STAC3: variants seen among roughly 807,000 people sequenced by gnomAD.
STAC3 encodes the protein SH3 and cysteine-rich domain-containing protein 3.
A neutral mutation model predicts 48.5 loss-of-function variants in STAC3; 30 were observed. That is an observed-to-expected ratio of 0.62 (90% CI 0.46 to 0.84). The LOEUF (loss-of-function observed/expected upper bound fraction) is 0.84. STAC3 is among the 40% of genes least tolerant of loss of function. The probability of loss-of-function intolerance (pLI) is 0.00; values close to 1 mark genes in which losing one functional copy is unlikely to be tolerated. For missense variants in STAC3, 419 were observed against 462.6 expected (o/e 0.91, Z 0.86); for synonymous variants, 144 against 158.6 (o/e 0.91, Z 0.69).
chr12:57,250,263 G>T lies in STAC3; in HGVS notation c.-1-626C>A, dbSNP rs961637383. On this transcript the variant is annotated intron_variant, in intron 1 of 11. Transcript: ENST00000332782. ...AAATTAGCCGGGTGTGGTGGCGGAC[G>T]CCTGTAATCCCATCCACTCAGGAAG... 9.9e-5 allele frequency among the ~76,000 whole-genome samples: 15 copies of T among 152,018 alleles called. 1 individual carries two copies. Among genetic ancestry groups the T allele is most frequent in the African/African-American group, 3.1e-4 (13 of 41,442 alleles).
chr12:57,248,481 C>T (rs544030094), intron 4 of STAC3: 1 of 591,592 alleles, frequency 1.7e-6, no homozygotes. Flanking sequence ...CGAGTTTACG[C>T]CATTCTCCTG....
chr12:57,249,730 G>A (rs2037856353), intron 1 of STAC3, 93 bp from the exon 2 acceptor site: 12 of 1,345,992 alleles, frequency 8.9e-6, no homozygotes, highest in Non-Finnish European at 1.0e-5. Context: ...CAAAGGGGAG[G>A]CTTTCGGAGA....
chr12:57,245,305 C>T (rs1486166142), intron 6 of STAC3, 94 bp from the exon 7 acceptor site: 2 of 1,076,878 alleles, frequency 1.9e-6, no homozygotes, highest in Non-Finnish European at 1.4e-6. Context: ...ATAATGGGAT[C>T]TCAGAGATCT....
In STAC3 at chr12:57,243,625, T is replaced by C. The variant is rs2136820197; in HGVS notation, c.*187A>G. The C allele has an allele frequency of 3.3e-6, 2 of 598,642 alleles. No homozygotes were observed. Among genetic ancestry groups the C allele is most frequent in the Admixed American group, 2.2e-5 (1 of 45,700 alleles). The allele number at this position is 598,642 out of a possible 1,614,324, so 37.1% of individuals were successfully genotyped here. On this transcript the variant is annotated 3_prime_UTR_variant, in exon 12 of 12. Transcript: ENST00000332782. ...GGTCCGGGCTGCTCTGGGCAGCAGG[T>C]ATCCGAGGCCCCAGGCTGGGGAAGG...
In STAC3 at chr12:57,244,106, G is replaced by C. The variant is rs754455763; in HGVS notation, c.978C>G (p.Ile326Met). Residue 326 changes from isoleucine to methionine, a missense_variant, in exon 11 of 12, where the codon ATC becomes ATG. Transcript: ENST00000332782. ...SFVGNREIGQ[I>M]TLKKDQIVVQ... ...AGCCTACCTGGTCCTTCTTGAGAGT[G>C]ATCTGCCCTATCTCGCGGTTCCCCA... is the stretch of plus-strand genomic sequence containing the variant. 3.2e-5 allele frequency: 51 copies of C among 1,614,012 alleles called. No individual in the cohort carries two copies. In the South Asian group the frequency reaches 3.6e-4, roughly 11 times the overall value.
rs192281738 is a variant in STAC3, at chr12:57,249,166, T to A, written c.209A>T (p.Glu70Val). ...IYYIYEEEEEEEEEEEEPPPE... is the reference protein window; with the variant it reads ...IYYIYEEEEEVEEEEEEPPPE... ...GGGTGGCTCCTCCTCCTCCTCTTCT[T>A]CCTCTTCCTCTTCCTCATAGATGTA... Residue 70 changes from glutamate to valine, a missense_variant, in exon 3 of 12, where the codon GAA (glutamate) becomes GTA (valine). Physicochemically the swap from Glu to Val is moderately radical, Grantham distance 121. Coordinates refer to ENST00000332782, the MANE Select transcript of STAC3 (RefSeq NM_145064.3). The A allele has an allele frequency of 4.3e-6, 7 of 1,613,498 alleles. No homozygotes were observed. The Admixed American group carries it at 1.2e-4, about 27-fold the overall frequency.
intron 4 of STAC3, 182 bp from the exon 5 acceptor site, chr12:57,248,380 T>C (rs2037811670): frequency 2.6e-6 from 1 of 380,604 alleles, no homozygotes; most frequent in Non-Finnish European, 4.8e-6. Context: ...GTCCCCTCTT[T>C]TTTTTTTTTT....
At chr12:57,250,643 G>A (rs886609756) in intron 1 of STAC3, among the ~76,000 whole-genome samples, 11 of 152,122 alleles carry the variant, frequency 7.2e-5, no homozygotes, top group African/African-American at 2.4e-4. Flanking sequence ...GTGTGTCCTC[G>A]TGTGCACACA....
chr12:57,245,274 A>C, intron 6 of STAC3, 63 bp from the exon 7 acceptor site: 1 of 1,445,158 alleles, frequency 6.9e-7, no homozygotes, highest in African/African-American at 1.4e-5. Flanking sequence ...GCTGTCTATA[A>C]TCAGGTCAGA....
intron 5 of STAC3, among the ~76,000 whole-genome samples, chr12:57,247,416 ATTATTATTATTATTTTT>A (rs1303731529): frequency 4.2e-5 from 2 of 47,992 alleles, no homozygotes; most frequent in South Asian, 1.2e-3. Flanking sequence ...TATTATTATT[ATTATTATTATTATTTTT>A]TTTTTTTTTT....
chr12:57,244,216 C>G lies in STAC3; in HGVS notation c.868G>C (p.Gly290Arg), dbSNP rs151179680. 22 of 1,614,056 alleles carry G rather than the reference C, an allele frequency of 1.4e-5. No homozygotes were observed. The African/African-American group carries it at 2.9e-4, about 22-fold the overall frequency. The part of the protein sequence containing the change: ...SNEEWWRGKI[G>R]EKVGFFPPNF... ...GGAGGGAAAAATCCGACCTTCTCCC[C>G]GATTTTCCCCTAGGGAAGATAGTAG... The change falls in exon 11 of 12, where the codon GGG (glycine) becomes CGG (arginine). Residue 290 changes from glycine to arginine, a missense_variant. Transcript: ENST00000332782.
chr12:57,245,108 C>T (rs1221707928), intron 7 of STAC3, 37 bp downstream of exon 7: 2 of 1,612,612 alleles, frequency 1.2e-6, no homozygotes, highest in African/African-American at 1.3e-5. Flanking sequence ...AGCCTCTGAT[C>T]CTACTCCATC....
Position 57,249,075 on chromosome 12 carries a change from T to C in STAC3, c.300A>G (p.Pro100=). Residue 100 remains proline, a synonymous_variant, in exon 3 of 12, where the codon CCA becomes CCG. Transcript: ENST00000332782. ...HKFKDHFFKK[P]KFCDVCARMI... is the part of the protein sequence containing the mutation. ...TCCGGGCACAGACATCACAGAACTT[T>C]GGCTTCTTGAAGAAGTGATCTTTGA... The C allele has an allele frequency of 6.2e-7, 1 of 1,607,974 alleles. No homozygotes were observed. The highest frequency in any genetic ancestry group is 1.1e-5 in the South Asian group (1 of 90,126).
intron 6 of STAC3, among the ~76,000 whole-genome samples, chr12:57,245,537 A>AT (rs1170175455): frequency 1.3e-5 from 2 of 151,808 alleles, no homozygotes; most frequent in Non-Finnish European, 2.9e-5. Context: ...CGCCCGGCTA[A>AT]TTTTTTGTAT....
chr12:57,243,736 C>T lies in STAC3; in HGVS notation c.*76G>A. The T allele has an allele frequency of 7.2e-7, 1 of 1,387,130 alleles. No homozygotes were observed. The highest frequency in any genetic ancestry group is 1.0e-6 in the Non-Finnish European group (1 of 986,984). The allele number at this position is 1,387,130 out of a possible 1,614,324, so 85.9% of individuals were successfully genotyped here. A position where few individuals can be genotyped will look rare whatever the true frequency, so the allele number is the denominator to read the frequency against. Reference sequence around the variant, plus strand: ...CCTCTCCCAGCAGTCCCGTTGCTTTCGCCCCCCTCCCCAAACTCCACTGGG... The same window carrying T: ...CCTCTCCCAGCAGTCCCGTTGCTTTTGCCCCCCTCCCCAAACTCCACTGGG... On this transcript the variant is annotated 3_prime_UTR_variant, in exon 12 of 12. Coordinates refer to ENST00000332782, the MANE Select transcript of STAC3 (RefSeq NM_145064.3).
chr12:57,244,725 C>G, intron 8 of STAC3, 103 bp from the exon 9 acceptor site: 6 of 1,455,656 alleles, frequency 4.1e-6, no homozygotes, highest in Non-Finnish European at 5.8e-6. Context: ...CACTCCAACT[C>G]TCTTCTAGGT....
At chr12:57,244,398 T>C (rs760070851) in intron 9 of STAC3, 32 bp from the exon 10 acceptor site, 1 of 1,613,616 alleles carries the variant, frequency 6.2e-7, no homozygotes, top group Non-Finnish European at 8.5e-7. Context: ...CTCACTCACA[T>C]AGCAGGTCCC....
At position 57,250,992 on chromosome 12, in the gene STAC3, C is replaced by T. The variant is rs1378602594; in HGVS notation, c.-2+1G>A. The T allele has an allele frequency of 1.6e-5, 5 of 321,116 alleles. No homozygotes were observed. The East Asian group carries it at 2.5e-4, about 16-fold the overall frequency. The allele number at this position is 321,116 out of a possible 1,614,324, so 19.9% of individuals were successfully genotyped here. ...ATCAAGAGGATGAAGAGGTAACTTACGTTCGGGATTCCCTAAGTCAGTCCA... is the reference window on the plus strand; with the variant it reads ...ATCAAGAGGATGAAGAGGTAACTTATGTTCGGGATTCCCTAAGTCAGTCCA... On this transcript the variant is annotated splice_donor_variant, in intron 1 of 11. Transcript: ENST00000332782. LOFTEE classifies it low-confidence loss of function (5UTR_SPLICE).
At chr12:57,248,628 C>T (rs2037820982) in intron 4 of STAC3, 78 bp downstream of exon 4, 1 of 1,154,182 alleles carries the variant, frequency 8.7e-7, no homozygotes, top group Non-Finnish European at 1.3e-6. Context: ...CCACCTCAGC[C>T]TCCCAAAGTG....
Sources: allele counts gnomAD v4.1 joint callset (sites outside exome capture counted in the v4.1 genomes callset), GRCh38; gene constraint gnomAD v4.1.1; transcripts MANE v1.5; gene names NCBI Gene and HGNC (gene_info 2026-07-23, HGNC 2026-07-21).